PCDHGB3: variants seen among roughly 807,000 people sequenced by gnomAD.
The protein encoded by PCDHGB3 is protocadherin gamma-B3.
A neutral mutation model predicts 59.2 loss-of-function variants in PCDHGB3; 40 were observed. That is an observed-to-expected ratio of 0.68 (90% CI 0.52 to 0.88). The LOEUF (loss-of-function observed/expected upper bound fraction) is 0.88. PCDHGB3 is among the 40% of genes least tolerant of loss of function. The probability of loss-of-function intolerance (pLI) is 0.00; values close to 1 mark genes in which losing one functional copy is unlikely to be tolerated. For missense variants in PCDHGB3, 1,309 were observed against 1,187.9 expected (o/e 1.10, Z -1.50); for synonymous variants, 581 against 503.6 (o/e 1.15, Z -2.06).
Position 141,372,081 on chromosome 5 carries a change from C to T in PCDHGB3, c.1687C>T (p.Leu563=). The change falls in exon 1 of 4, where the codon CTG becomes TTG. Residue 563 remains leucine, a synonymous_variant. Transcript: ENST00000576222. ...CCGCAACGACAATGCACCGCTGGTGCTGTACCCAGCTCTGGGGCCCGAAGG... is the reference window on the plus strand; with the variant it reads ...CCGCAACGACAATGCACCGCTGGTGTTGTACCCAGCTCTGGGGCCCGAAGG... The part of the protein sequence containing the change: ...DDRNDNAPLV[L]YPALGPEGSA... 1.2e-6 allele frequency: 2 copies of T among 1,613,734 alleles called. No individual in the cohort carries two copies. Among genetic ancestry groups the T allele is most frequent in the Non-Finnish European group, 8.5e-7 (1 of 1,179,898 alleles).
intron 1 of PCDHGB3, among the ~76,000 whole-genome samples, chr5:141,452,019 C>T (rs1227308101): frequency 3.3e-5 from 5 of 152,194 alleles, no homozygotes; most frequent in African/African-American, 1.2e-4. Flanking sequence ...AGCCCACACT[C>T]TGGGGAGATG....
rs767577725 is a variant in PCDHGB3 at position 141,485,642 on chromosome 5, G to T, written c.2416-9165G>T. 4.3e-6 allele frequency: 7 copies of T among 1,612,162 alleles called. No homozygotes were observed. The highest frequency in any genetic ancestry group is 1.7e-5 in the Admixed American group (1 of 59,938). ...AGGACAGCGTTTCCCGTTGGAAAAGGCTCAGGATGCAGATGTGGGGAGCAA... is the reference window on the plus strand; with the variant it reads ...AGGACAGCGTTTCCCGTTGGAAAAGTCTCAGGATGCAGATGTGGGGAGCAA... On this transcript the variant is annotated intron_variant, in intron 1 of 3. Coordinates refer to ENST00000576222, the MANE Select transcript of PCDHGB3 (RefSeq NM_018924.5). This position sits in a 1 kb window ranked among gnomAD's most constrained non-coding sequence, Gnocchi z 5.7.
chr5:141,421,904 C>T (rs1561797509), intron 1 of PCDHGB3: 1 of 1,613,734 alleles, frequency 6.2e-7, no homozygotes, highest in Admixed American at 1.7e-5. Flanking sequence ...CGAAAGGGCG[C>T]AGTTCCCATT....
At chr5:141,440,106 T>A (rs1288263875) in intron 1 of PCDHGB3, 1 of 152,228 alleles carries the variant, frequency 6.6e-6, no homozygotes, top group East Asian at 1.9e-4. Flanking sequence ...AGTGGAGACT[T>A]ACTTGTGAAT....
chr5:141,376,347 A>T (rs1218451115), intron 1 of PCDHGB3: 1 of 1,614,056 alleles, frequency 6.2e-7, no homozygotes. Context: ...ACCTATTCCC[A>T]CGAGGTCTCA....
intron 1 of PCDHGB3, chr5:141,384,561 C>T (rs778010622): frequency 3.7e-6 from 6 of 1,614,254 alleles, no homozygotes; most frequent in Admixed American, 3.3e-5. Context: ...TCGTGCTGGA[C>T]CAGAATGACA....
intron 1 of PCDHGB3, among the ~76,000 whole-genome samples, chr5:141,387,085 C>T (rs1242993034): frequency 6.6e-6 from 1 of 152,168 alleles, no homozygotes; most frequent in African/African-American, 2.4e-5. Flanking sequence ...TGCCTGTGAT[C>T]ATCGAAATGA....
chr5:141,441,752 C>T, intron 1 of PCDHGB3: 2 of 378,086 alleles, frequency 5.3e-6, no homozygotes, highest in Non-Finnish European at 1.1e-5. Context: ...TCGGCGTCAA[C>T]GTGAGCCTGC....
intron 2 of PCDHGB3, among the ~76,000 whole-genome samples, chr5:141,504,947 A>G (rs1595930930): frequency 6.6e-6 from 1 of 152,200 alleles, no homozygotes; most frequent in Non-Finnish European, 1.5e-5. Context: ...GGAATGCACT[A>G]TGTTCAATGC....
At chr5:141,479,964 A>G (rs188553800) in intron 1 of PCDHGB3, among the ~76,000 whole-genome samples, 1 of 152,330 alleles carries the variant, frequency 6.6e-6, no homozygotes, top group East Asian at 1.9e-4. Context: ...AGTTAGTCAA[A>G]TGAGGTTCTA....
At position 141,410,774 on chromosome 5, in the gene PCDHGB3, C is replaced by T; in HGVS notation, c.2415+37965C>T. 4 of 955,126 alleles carry T rather than the reference C, an allele frequency of 4.2e-6. No individual in the cohort carries two copies. The South Asian group carries it at 6.1e-5, about 15-fold the overall frequency. The allele number at this position is 955,126 out of a possible 1,614,324, so 59.2% of individuals were successfully genotyped here. ...AATGTTTTTTCAATTATAGTTTTCA[C>T]TATGTATTTGGTTCATAAGTTGCTC... On this transcript the variant is annotated intron_variant, in intron 1 of 3. Coordinates refer to ENST00000576222, the MANE Select transcript of PCDHGB3 (RefSeq NM_018924.5).
At chr5:141,419,936 G>C in intron 1 of PCDHGB3, 1 of 1,614,074 alleles carries the variant, frequency 6.2e-7, no homozygotes, top group Non-Finnish European at 8.5e-7. Context: ...GTTTTACCTG[G>C]TGGTGGCCTT....
intron 1 of PCDHGB3, chr5:141,422,115 T>G: frequency 6.2e-7 from 1 of 1,605,004 alleles, no homozygotes; most frequent in Non-Finnish European, 8.5e-7. Context: ...TCCAATTGGA[T>G]TCACAAACTG....
At chr5:141,414,242 T>C (rs1412230684) in intron 1 of PCDHGB3, 1 of 1,613,538 alleles carries the variant, frequency 6.2e-7, no homozygotes, top group Admixed American at 1.7e-5. Flanking sequence ...ATCACGTCTC[T>C]ATTTAGTCCA....
At chr5:141,445,963 A>G (rs2098483291) in intron 1 of PCDHGB3, among the ~76,000 whole-genome samples, 2 of 152,342 alleles carry the variant, frequency 1.3e-5, no homozygotes, top group South Asian at 2.1e-4. Flanking sequence ...TATATGGAGA[A>G]TTGATTTATG....
chr5:141,395,562 G>T (rs975935179), intron 1 of PCDHGB3: 2 of 227,450 alleles, frequency 8.8e-6, no homozygotes, highest in Non-Finnish European at 1.7e-5. Context: ...GTGTGTGTGT[G>T]TGTGTGTGTG....
At chr5:141,376,171 G>T (rs758847977) in intron 1 of PCDHGB3, 1 of 1,614,096 alleles carries the variant, frequency 6.2e-7, no homozygotes, top group South Asian at 1.1e-5. Context: ...TGGTGGTGGC[G>T]GTGGCCGCGG....
intron 1 of PCDHGB3, chr5:141,430,875 T>C: frequency 6.3e-7 from 1 of 1,599,398 alleles, no homozygotes; most frequent in Non-Finnish European, 8.5e-7. Context: ...CCGGAAGAGC[T>C]GGAGAAAGGC....
At chr5:141,404,675 G>A (rs1048688884) in intron 1 of PCDHGB3, 2 of 1,614,200 alleles carry the variant, frequency 1.2e-6, no homozygotes, top group Non-Finnish European at 1.7e-6. Flanking sequence ...TTCTACTGGT[G>A]TGGAGCTGGC....
Sources: allele counts gnomAD v4.1 joint callset (sites outside exome capture counted in the v4.1 genomes callset), GRCh38; gene constraint gnomAD v4.1.1; non-coding constraint Gnocchi (gnomAD v3.1); transcripts MANE v1.5; gene names NCBI Gene and HGNC (gene_info 2026-07-23, HGNC 2026-07-21).